CFAP20DC: variants seen among roughly 807,000 people sequenced by gnomAD.
The protein encoded by CFAP20DC is CFAP20 domain containing.
A neutral mutation model predicts 101.7 loss-of-function variants in CFAP20DC; 84 were observed. The ratio of observed to expected loss-of-function variants is 0.83; its 90% CI spans 0.69 to 0.99. The LOEUF (loss-of-function observed/expected upper bound fraction) is 0.99, where lower values mean the gene tolerates loss of function less well. Among genes scored for constraint, CFAP20DC ranks in the 50% least tolerant of loss-of-function variants. The probability of loss-of-function intolerance (pLI) is 0.00; values close to 1 mark genes in which losing one functional copy is unlikely to be tolerated. For synonymous variants in CFAP20DC, 359 were observed against 351.2 expected, an observed-to-expected ratio of 1.02 and a Z score of -0.25; for missense variants, 1,007 against 970.3, an observed-to-expected ratio of 1.04 and a Z score of -0.50.
At chr3:58,885,855 C>T (rs2081584354) in intron 6 of CFAP20DC, among the ~76,000 whole-genome samples, 1 of 151,900 alleles carries the variant, frequency 6.6e-6, no homozygotes, top group African/African-American at 2.4e-5. Flanking sequence ...ATTCATTCAT[C>T]TGTTGTTGGA....
chr3:58,992,543 C>T (rs2092975683), intron 4 of CFAP20DC: 4 of 983,522 alleles, frequency 4.1e-6, no homozygotes, highest in Non-Finnish European at 4.8e-6. Context: ...TCCTAGTCTA[C>T]ACTAATCTCA....
chr3:58,964,278 G>T lies in CFAP20DC; in HGVS notation c.279-26516C>A, dbSNP rs1238343193. On this transcript the variant is annotated intron_variant, in intron 4 of 16. Transcript: ENST00000482387. This position sits in a 1 kb window ranked among gnomAD's most constrained non-coding sequence, Gnocchi z 4.1. Reference sequence around the variant, plus strand: ...GGTTCTGGCCAGTTTAGGGAGGCTGGTCACTCAAATGCCTTCATGTCCTGA... The same window carrying T: ...GGTTCTGGCCAGTTTAGGGAGGCTGTTCACTCAAATGCCTTCATGTCCTGA... Among the ~76,000 whole-genome samples, 1 of 152,182 alleles carries T rather than the reference G, an allele frequency of 6.6e-6. No homozygotes were observed. The highest frequency in any genetic ancestry group is 1.5e-5 in the Non-Finnish European group (1 of 68,030).
At chr3:58,953,881 A>G (rs966420931) in intron 4 of CFAP20DC, 3 of 152,208 alleles carry the variant, frequency 2.0e-5, no homozygotes, top group African/African-American at 4.8e-5. Flanking sequence ...TTAAGGATTC[A>G]TTTTTAAAAA....
rs145930886 is a variant in CFAP20DC, at chr3:59,047,102, C to A, written c.111+63G>T. 121 of 1,081,154 alleles carry A rather than the reference C, an allele frequency of 1.1e-4. 1 individual carries two copies. The African/African-American group carries it at 1.8e-3, about 16-fold the overall frequency. 67.0% of individuals were successfully genotyped at this position (1,081,154 alleles called of 1,614,324 possible). A position where few individuals can be genotyped will look rare whatever the true frequency, so the allele number is the denominator to read the frequency against. On this transcript the variant is annotated intron_variant, in intron 2 of 16. Transcript: ENST00000482387. ...GCTCTGAAATTTGATCACGCCCTTT[C>A]TTCTATAAGCTTCACTCACATTTCT...
intron 14 of CFAP20DC, among the ~76,000 whole-genome samples, chr3:58,824,757 T>C (rs114556508): frequency 0.012 from 1,857 of 152,260 alleles, 42 homozygotes; most frequent in African/African-American, 0.043. Context: ...TGTTGATGGA[T>C]GCATGCAATG....
chr3:58,749,418 A>G (rs1432759781), intron 16 of CFAP20DC, among the ~76,000 whole-genome samples: 2 of 152,188 alleles, frequency 1.3e-5, no homozygotes, highest in Non-Finnish European at 2.9e-5. Flanking sequence ...TATCTCCTCA[A>G]TACAGGAGGA....
At chr3:58,917,181 T>C (rs1308304762) in intron 5 of CFAP20DC, among the ~76,000 whole-genome samples, 1 of 152,174 alleles carries the variant, frequency 6.6e-6, no homozygotes, top group Non-Finnish European at 1.5e-5. Context: ...AGGAGTTGGC[T>C]GGCAAAGGGT....
intron 6 of CFAP20DC, among the ~76,000 whole-genome samples, chr3:58,903,481 G>A (rs1409452261): frequency 6.6e-6 from 1 of 152,132 alleles, no homozygotes; most frequent in Non-Finnish European, 1.5e-5. Context: ...CTGCTATGAA[G>A]AAATATCCAA....
At chr3:58,937,007 T>C (rs1469006225) in intron 5 of CFAP20DC, among the ~76,000 whole-genome samples, 1 of 149,456 alleles carries the variant, frequency 6.7e-6, no homozygotes, top group African/African-American at 2.5e-5. Context: ...ATCAAGTGCA[T>C]ACCAGAATGG....
chr3:58,913,757 C>T lies in CFAP20DC; in HGVS notation c.501G>A (p.Arg167=), dbSNP rs1404134290. 1 of 1,613,692 alleles carries T rather than the reference C, an allele frequency of 6.2e-7. No individual in the cohort carries two copies. Among genetic ancestry groups the T allele is most frequent in the Non-Finnish European group, 8.5e-7 (1 of 1,179,794 alleles). ...GCTTTGATTTTAAGGTGAAGATCTT[C>T]CGTAGCTTACAGTTAGCTGAGACAA... ...GIVVSANCKL[R]KIFTLKSKPQ... Residue 167 remains arginine, a synonymous_variant, in exon 6 of 17, where the codon CGG becomes CGA. Transcript: ENST00000482387. This position sits in a 1 kb window ranked among gnomAD's most constrained non-coding sequence, Gnocchi z 4.4.
intron 4 of CFAP20DC, among the ~76,000 whole-genome samples, chr3:58,950,830 C>T (rs554756223): frequency 2.6e-5 from 4 of 152,250 alleles, no homozygotes; most frequent in African/African-American, 9.6e-5. Context: ...CTAGGCATTA[C>T]CATTCAGGAC....
intron 5 of CFAP20DC, among the ~76,000 whole-genome samples, chr3:58,919,329 C>A (rs1457240819): frequency 1.3e-5 from 2 of 152,062 alleles, no homozygotes; most frequent in African/African-American, 2.4e-5. Context: ...CTGTTTTGAA[C>A]AGTTAGATTA....
chr3:58,733,848 T>C (rs2067694196), intron 3 of CFAP20DC, among the ~76,000 whole-genome samples: 2 of 152,378 alleles, frequency 1.3e-5, no homozygotes, highest in South Asian at 4.1e-4. Flanking sequence ...ATGAAACTAA[T>C]GGTCCCATTT....
chr3:58,971,370 C>G lies in CFAP20DC; in HGVS notation c.279-33608G>C, dbSNP rs1181376810. Among the ~76,000 whole-genome samples, 2 of 152,068 alleles carry G rather than the reference C, an allele frequency of 1.3e-5. No individual in the cohort carries two copies. The highest frequency in any genetic ancestry group is 4.8e-5 in the African/African-American group (2 of 41,436). ...AAATTGCGCACCAATCAAAATTTGA[C>G]AGTATCCAACAAGAGGAAAATCTGT... On this transcript the variant is annotated intron_variant, in intron 4 of 16. Coordinates refer to ENST00000482387, the MANE Select transcript of CFAP20DC (RefSeq NM_001394063.1). This position sits in a 1 kb window ranked among gnomAD's most constrained non-coding sequence, Gnocchi z 4.1.
At chr3:58,765,471 C>CAAAAAAAAAAAAAAAAAAAAAAAAAAAAA (rs1288496269) in intron 15 of CFAP20DC, among the ~76,000 whole-genome samples, 1 of 27,784 alleles carries the variant, frequency 3.6e-5, no homozygotes, top group Non-Finnish European at 7.2e-5. Flanking sequence ...ACATTCTAGC[C>CAAAAAAAAAAAAAAAAAAAAAAAAAAAAA]AAAAAAAAAA....
At chr3:58,754,247 G>C (rs1407978976) in intron 15 of CFAP20DC, among the ~76,000 whole-genome samples, 1 of 152,138 alleles carries the variant, frequency 6.6e-6, no homozygotes, top group Non-Finnish European at 1.5e-5. Context: ...CACATGTCAT[G>C]GATGGTCACA....
chr3:58,741,502 T>A (rs1309046747), downstream of CFAP20DC, among the ~76,000 whole-genome samples: 5 of 151,570 alleles, frequency 3.3e-5, no homozygotes, highest in South Asian at 6.2e-4. Context: ...TCAAAATATT[T>A]TTTTTTTTTT....
chr3:58,930,452 T>C (rs1015037346), intron 5 of CFAP20DC, among the ~76,000 whole-genome samples: 2 of 152,204 alleles, frequency 1.3e-5, no homozygotes, highest in African/African-American at 4.8e-5. Flanking sequence ...GTGGAACATG[T>C]ACCTTTTGTG....
In CFAP20DC at chr3:58,788,155, A is replaced by G. The variant is rs1228725023; in HGVS notation, c.2237+18240T>C. Among the ~76,000 whole-genome samples the G allele has an allele frequency of 3.3e-5, 5 of 151,982 alleles. No individual in the cohort carries two copies. Among genetic ancestry groups the G allele is most frequent in the African/African-American group, 1.2e-4 (5 of 41,402 alleles). The stretch of plus-strand genomic sequence containing the variant: ...CTTAAAGTACAATTTAAAAAAAAAA[A>G]AGAGGAAGAAAACACTAAAAAACAA... On this transcript the variant is annotated intron_variant, in intron 15 of 16. Transcript: ENST00000482387. The surrounding 1 kb of genome is among the most constrained non-coding windows in gnomAD (Gnocchi z 4.2).
Sources: allele counts gnomAD v4.1 joint callset (sites outside exome capture counted in the v4.1 genomes callset), GRCh38; gene constraint gnomAD v4.1.1; non-coding constraint Gnocchi (gnomAD v3.1); transcripts MANE v1.5; gene names NCBI Gene and HGNC (gene_info 2026-07-23, HGNC 2026-07-21).